Variants in RANBP17 observed in about 807,000 individuals in gnomAD.
The protein encoded by RANBP17 is RAN binding protein 17.
In RANBP17, 158 loss-of-function variants were observed where a neutral mutation model predicts 141.2. The ratio of observed to expected loss-of-function variants is 1.12; its 90% CI spans 0.98 to 1.28. The LOEUF (loss-of-function observed/expected upper bound fraction) is 1.28, where lower values mean the gene tolerates loss of function less well. Among genes scored for constraint, RANBP17 ranks in the 50% most tolerant of loss-of-function variants. The pLI, the probability that RANBP17 is intolerant of heterozygous loss-of-function variation, is 0.00. For synonymous variants in RANBP17, 430 were observed against 450.0 expected, an observed-to-expected ratio of 0.96 and a Z score of 0.56; for missense variants, 1,438 against 1,290.7, an observed-to-expected ratio of 1.11 and a Z score of -1.75.
At chr5:171,015,026 G>A (rs912804391) in intron 14 of RANBP17, among the ~76,000 whole-genome samples, 3 of 151,956 alleles carry the variant, frequency 2.0e-5, no homozygotes, top group African/African-American at 7.2e-5. Flanking sequence ...GAAATCTGCT[G>A]TAATCCTTTT....
chr5:171,075,901 C>T (rs574448425), intron 14 of RANBP17, among the ~76,000 whole-genome samples: 5 of 151,770 alleles, frequency 3.3e-5, no homozygotes, highest in South Asian at 2.1e-4. Context: ...TGCAGTGAGC[C>T]GAGATCATGC....
chr5:171,210,195 C>A (rs541745848), intron 20 of RANBP17, among the ~76,000 whole-genome samples: 38 of 152,276 alleles, frequency 2.5e-4, no homozygotes, highest in African/African-American at 8.2e-4. Context: ...ATAGTCCTCA[C>A]AAGGCCATTG....
chr5:171,040,507 G>T (rs1782186531), intron 14 of RANBP17, among the ~76,000 whole-genome samples: 1 of 152,154 alleles, frequency 6.6e-6, no homozygotes, highest in African/African-American at 2.4e-5. Flanking sequence ...GCTAAAGTTT[G>T]TGAAGTCTTG....
chr5:171,129,756 T>C (rs1259634093), intron 14 of RANBP17, among the ~76,000 whole-genome samples: 1 of 152,196 alleles, frequency 6.6e-6, no homozygotes, highest in East Asian at 1.9e-4. Context: ...TTACCATGCA[T>C]AGTTATCATA....
chr5:170,968,370 C>G lies in RANBP17; in HGVS notation c.1703C>G (p.Thr568Ser). Reference protein sequence around the residue: ...KTYVGDQLQRTSKVYARMSEV... With the variant: ...KTYVGDQLQRSSKVYARMSEV... ...TATGTTGGTGATCAACTTCAAAGAA[C>G]CTCAAAGGTAGGTTTCTACTAGAGA... The change falls in exon 14 of 28, where the codon ACC becomes AGC. Residue 568 changes from threonine (T) to serine (S), a missense_variant. By Grantham distance (58) the Thr-to-Ser change is moderately conservative. Transcript: ENST00000523189. 6.2e-7 allele frequency: 1 copy of G among 1,603,558 alleles called. No individual in the cohort carries two copies. Among genetic ancestry groups the G allele is most frequent in the Non-Finnish European group, 8.5e-7 (1 of 1,176,130 alleles).
rs1446731025 is a variant in RANBP17 at position 171,197,535 on chromosome 5, T to C, written c.2039-2135T>C. ...CTGAGAAACTCAAAGATACACAGTC[T>C]CAGTGCCATAGAAGCTAATCCGAAG... On this transcript the variant is annotated intron_variant, in intron 18 of 27. Coordinates refer to ENST00000523189, the MANE Select transcript of RANBP17 (RefSeq NM_022897.5). Among the ~76,000 whole-genome samples, 69 of 152,198 alleles carry C rather than the reference T, an allele frequency of 4.5e-4. 2 individuals carry two copies. Among genetic ancestry groups the C allele is most frequent in the Admixed American group, 4.5e-3 (69 of 15,286 alleles).
At chr5:170,985,709 A>G (rs1019478406) in intron 14 of RANBP17, among the ~76,000 whole-genome samples, 7 of 152,148 alleles carry the variant, frequency 4.6e-5, no homozygotes, top group South Asian at 2.1e-4. Flanking sequence ...AAACATTCCA[A>G]TTGAAGGATG....
In RANBP17 at chr5:171,299,907, A is replaced by G. The variant is rs550968625; in HGVS notation, c.*1049A>G. 3.5e-4 allele frequency: 73 copies of G among 208,050 alleles called. No homozygotes were observed. Among genetic ancestry groups the G allele is most frequent in the Non-Finnish European group, 5.8e-4 (59 of 102,016 alleles). 12.9% of individuals were successfully genotyped at this position (208,050 alleles called of 1,614,324 possible). On this transcript the variant is annotated 3_prime_UTR_variant, in exon 28 of 28. Coordinates refer to ENST00000523189, the MANE Select transcript of RANBP17 (RefSeq NM_022897.5). ...GTTTTACTATCTCACTGCTGTTTTT[A>G]TGATTCAGGCTTATAACAAATATTG...
chr5:171,167,557 A>G (rs1032436380), intron 14 of RANBP17, among the ~76,000 whole-genome samples: 5 of 152,200 alleles, frequency 3.3e-5, no homozygotes, highest in Middle Eastern at 3.2e-3. Context: ...ATTTATCTAT[A>G]TAAATGATCC....
chr5:170,986,375 A>G (rs923764369), intron 14 of RANBP17, among the ~76,000 whole-genome samples: 2 of 151,978 alleles, frequency 1.3e-5, no homozygotes, highest in African/African-American at 4.8e-5. Flanking sequence ...CATTAAGCCG[A>G]TAAGTGCTCC....
chr5:171,078,724 C>A (rs60478107), intron 14 of RANBP17, among the ~76,000 whole-genome samples: 1,776 of 152,292 alleles, frequency 0.012, 32 homozygotes, highest in African/African-American at 0.041. Context: ...GACAGGACAT[C>A]TTTTTACAGC....
At position 170,899,269 on chromosome 5, in the gene RANBP17, T is replaced by A. The variant is rs1770413307; in HGVS notation, c.489+3154T>A. Among the ~76,000 whole-genome samples the A allele has an allele frequency of 2.6e-5, 4 of 152,292 alleles. No homozygotes were observed. In the South Asian group the frequency reaches 8.3e-4, roughly 32 times the overall value. On this transcript the variant is annotated intron_variant, in intron 5 of 27. Transcript: ENST00000523189. The stretch of plus-strand genomic sequence containing the variant: ...TAAATTGGATTCCTAGGTATTTTAT[T>A]CTCTTTGTATCAATTGTGAATGGGA...
chr5:171,150,454 C>T (rs1041889139), intron 14 of RANBP17, among the ~76,000 whole-genome samples: 1 of 151,380 alleles, frequency 6.6e-6, no homozygotes, highest in South Asian at 2.1e-4. Context: ...AAGCATTACA[C>T]AATTTGATGA....
At chr5:171,208,392 A>G (rs1762694164) in intron 20 of RANBP17, among the ~76,000 whole-genome samples, 1 of 152,188 alleles carries the variant, frequency 6.6e-6, no homozygotes, top group South Asian at 2.1e-4. Context: ...TCATTGACAT[A>G]CTTCTTTGCC....
chr5:171,227,737 A>T (rs1763963638), intron 22 of RANBP17, among the ~76,000 whole-genome samples: 1 of 152,198 alleles, frequency 6.6e-6, no homozygotes, highest in South Asian at 2.1e-4. Flanking sequence ...GTCTCTTGTT[A>T]GGGGTTAATG....
At chr5:171,116,038 A>C (rs1755604665) in intron 14 of RANBP17, among the ~76,000 whole-genome samples, 1 of 152,222 alleles carries the variant, frequency 6.6e-6, no homozygotes, top group Non-Finnish European at 1.5e-5. Flanking sequence ...TTTTGAATTT[A>C]TAAATGTTGT....
chr5:171,162,202 C>A (rs1162739045), intron 14 of RANBP17, among the ~76,000 whole-genome samples: 1 of 152,146 alleles, frequency 6.6e-6, no homozygotes, highest in African/African-American at 2.4e-5. Context: ...CCATAGAAGA[C>A]TAGTTTAACA....
intron 14 of RANBP17, among the ~76,000 whole-genome samples, chr5:171,092,022 C>G (rs1164607335): frequency 6.6e-6 from 1 of 152,158 alleles, no homozygotes; most frequent in Admixed American, 6.5e-5. Flanking sequence ...AACCAATCCC[C>G]AGAATACACT....
chr5:171,297,590 G>A (rs755746969), intron 27 of RANBP17, among the ~76,000 whole-genome samples: 1 of 151,726 alleles, frequency 6.6e-6, no homozygotes, highest in South Asian at 2.1e-4. Flanking sequence ...CCTCTATCAC[G>A]CAGAAAGGGA....
Sources: allele counts gnomAD v4.1 joint callset (sites outside exome capture counted in the v4.1 genomes callset), GRCh38; gene constraint gnomAD v4.1.1; transcripts MANE v1.5; gene names NCBI Gene and HGNC (gene_info 2026-07-23, HGNC 2026-07-21).